The following TMEM135 variants were observed in gnomAD, a reference collection of about 807,000 sequenced individuals.
TMEM135 encodes transmembrane protein 135.
A neutral mutation model predicts 60.3 loss-of-function variants in TMEM135; 30 were observed. The observed-to-expected ratio is 0.50, with a 90% CI of 0.37 to 0.68. The LOEUF (loss-of-function observed/expected upper bound fraction) is 0.68. Among genes scored for constraint, TMEM135 ranks in the 30% least tolerant of loss-of-function variants. The pLI is 0.00. For missense variants in TMEM135, 468 were observed against 548.8 expected, an observed-to-expected ratio of 0.85 and a Z score of 1.47; for synonymous variants, 190 against 186.7, an observed-to-expected ratio of 1.02 and a Z score of -0.14.
rs747504157 is a variant in TMEM135 at position 87,305,902 on chromosome 11, A to T, written c.699-34A>T. On this transcript the variant is annotated intron_variant, in intron 8 of 14. Transcript: ENST00000305494. The stretch of plus-strand genomic sequence containing the variant: ...ACACATGGATATACACACTTTAATT[A>T]TAATTAGTTTAATTTTTTTGGGTTC... The T allele has an allele frequency of 2.2e-5, 34 of 1,557,090 alleles. No individual in the cohort carries two copies. In the African/African-American group the frequency reaches 4.1e-4, roughly 19 times the overall value.
chr11:87,163,109 C>A (rs1286535233), intron 5 of TMEM135, among the ~76,000 whole-genome samples: 1 of 149,916 alleles, frequency 6.7e-6, no homozygotes, highest in African/African-American at 2.5e-5. Context: ...CATATGTATA[C>A]ATGTGCCATG....
intron 6 of TMEM135, among the ~76,000 whole-genome samples, chr11:87,287,362 T>G (rs1297473234): frequency 2.0e-5 from 3 of 152,240 alleles, no homozygotes; most frequent in Non-Finnish European, 4.4e-5. Context: ...GACTCTGAAG[T>G]GCCCCAATTG....
chr11:87,188,821 C>T (rs943391853), intron 5 of TMEM135, among the ~76,000 whole-genome samples: 1 of 151,798 alleles, frequency 6.6e-6, no homozygotes, highest in African/African-American at 2.4e-5. Context: ...CTTTTCTATT[C>T]TTGCCTTCTG....
chr11:87,283,613 A>G (rs568130232), intron 6 of TMEM135, among the ~76,000 whole-genome samples: 1 of 152,314 alleles, frequency 6.6e-6, no homozygotes, highest in East Asian at 1.9e-4. Flanking sequence ...TAATGCCAGC[A>G]CTTTGGGAGG....
chr11:87,105,365 A>G (rs1426401512), intron 4 of TMEM135, among the ~76,000 whole-genome samples: 3 of 152,142 alleles, frequency 2.0e-5, no homozygotes, highest in African/African-American at 7.2e-5. Context: ...CGAACTGCAC[A>G]TGTGAGGGAT....
intron 6 of TMEM135, among the ~76,000 whole-genome samples, chr11:87,272,128 A>C (rs529151938): frequency 7.1e-6 from 1 of 140,968 alleles, no homozygotes; most frequent in African/African-American, 2.7e-5. Flanking sequence ...ATATCTGCTC[A>C]CTGCAACCTC....
intron 4 of TMEM135, among the ~76,000 whole-genome samples, chr11:87,122,437 A>ATTTATT (rs765586434): frequency 1.0e-4 from 15 of 144,946 alleles, no homozygotes; most frequent in Admixed American, 2.8e-4. Flanking sequence ...TTTAGTTTTT[A>ATTTATT]TATTTATTTA....
chr11:87,059,641 G>T (rs1949927162), intron 1 of TMEM135, among the ~76,000 whole-genome samples: 1 of 152,160 alleles, frequency 6.6e-6, no homozygotes, highest in South Asian at 2.1e-4. Flanking sequence ...GATTACCAGA[G>T]AGGAAATCTC....
chr11:87,308,628 C>T (rs969549499), intron 9 of TMEM135, among the ~76,000 whole-genome samples: 7 of 151,936 alleles, frequency 4.6e-5, no homozygotes, highest in African/African-American at 1.7e-4. Context: ...GATGGGACAC[C>T]GGTTTTAACA....
intron 3 of TMEM135, 31 bp downstream of exon 3, chr11:87,071,646 T>G: frequency 6.4e-7 from 1 of 1,559,872 alleles, no homozygotes; most frequent in East Asian, 2.3e-5. Context: ...TTAACGGAAC[T>G]GATTACCTGT....
At chr11:87,253,014 A>G (rs1941451101) in intron 6 of TMEM135, among the ~76,000 whole-genome samples, 2 of 151,644 alleles carry the variant, frequency 1.3e-5, no homozygotes, top group African/African-American at 4.9e-5. Flanking sequence ...AATGGAAAAC[A>G]TGAGAAAACA....
intron 4 of TMEM135, among the ~76,000 whole-genome samples, chr11:87,124,282 G>T (rs989687335): frequency 2.0e-5 from 3 of 152,136 alleles, no homozygotes; most frequent in Non-Finnish European, 4.4e-5. Flanking sequence ...TGGAACTAGG[G>T]CATCTACGGG....
chr11:87,055,327 A>T (rs147428376), intron 1 of TMEM135, among the ~76,000 whole-genome samples: 17 of 152,354 alleles, frequency 1.1e-4, no homozygotes, highest in African/African-American at 2.6e-4. Flanking sequence ...CACAAATCCA[A>T]TACCCTGGTC....
chr11:87,060,197 G>A (rs1949933275), intron 1 of TMEM135, among the ~76,000 whole-genome samples: 2 of 152,212 alleles, frequency 1.3e-5, no homozygotes, highest in South Asian at 2.1e-4. Flanking sequence ...TTGTTGTCCA[G>A]TCTCTGCTAT....
At position 87,071,568 on chromosome 11, in the gene TMEM135, C is replaced by T. The variant is rs764290159; in HGVS notation, c.315C>T (p.Ala105=). The change falls in exon 3 of 15, where the codon GCC becomes GCT. Residue 105 remains alanine (A), a synonymous_variant. Transcript: ENST00000305494. ...ACTCATGGACTCCTGGCTTTGGTGCCGCTCTGCCAGCATCTTATGTGGCCA... is the reference window on the plus strand; with the variant it reads ...ACTCATGGACTCCTGGCTTTGGTGCTGCTCTGCCAGCATCTTATGTGGCCA... The part of the protein sequence containing the change: ...KFYSWTPGFG[A]ALPASYVAIL... 1.8e-5 allele frequency: 29 copies of T among 1,613,678 alleles called. No homozygotes were observed. Among genetic ancestry groups the T allele is most frequent in the South Asian group, 4.4e-5 (4 of 91,044 alleles).
In TMEM135 at chr11:87,222,011, G is replaced by A. The variant is rs375203933; in HGVS notation, c.463-14627G>A. 3.4e-4 allele frequency among the ~76,000 whole-genome samples: 52 copies of A among 151,424 alleles called. No individual in the cohort carries two copies. The South Asian group carries it at 8.8e-3, about 26-fold the overall frequency. On this transcript the variant is annotated intron_variant, in intron 5 of 14. Coordinates refer to ENST00000305494, the MANE Select transcript of TMEM135 (RefSeq NM_022918.4). ...AGGAGATCGAGACCATCGAAACCCC[G>A]TCTCTACTAAAAATACAAAAAAATT... is the stretch of plus-strand genomic sequence containing the variant.
At chr11:87,171,007 A>G (rs2135288705) in intron 5 of TMEM135, among the ~76,000 whole-genome samples, 1 of 152,240 alleles carries the variant, frequency 6.6e-6, no homozygotes, top group East Asian at 1.9e-4. Flanking sequence ...AAGGGGGTAC[A>G]TCTTCAAACT....
rs1280222671 is a variant in TMEM135, at chr11:87,051,037, G to A, written c.141+12851G>A. ...TACACAAATCAATAAATGTATTCCA[G>A]CATATAAACAGAGCCAAAGACAAAA... On this transcript the variant is annotated intron_variant, in intron 1 of 14. Transcript: ENST00000305494. Among the ~76,000 whole-genome samples, 18 of 96,130 alleles carry A rather than the reference G, an allele frequency of 1.9e-4. 3 individuals carry two copies. Among genetic ancestry groups the A allele is most frequent in the Non-Finnish European group, 3.0e-4 (16 of 53,032 alleles). The allele number at this position is 96,130 out of a possible 152,430, so 63.1% of individuals were successfully genotyped here.
rs142586466 is a variant in TMEM135 at position 87,318,796 on chromosome 11, A to G, written c.1177-514A>G. 1.6e-4 allele frequency among the ~76,000 whole-genome samples: 25 copies of G among 152,242 alleles called. 1 individual carries two copies. In the East Asian group the frequency reaches 4.8e-3, roughly 29 times the overall value. On this transcript the variant is annotated intron_variant, in intron 13 of 14. Transcript: ENST00000305494. Reference sequence around the variant, plus strand: ...CTTGAAAAACTCATTAAAACTAATGAAGTATCAATATCTCAGTAAATGCTT... The same window carrying G: ...CTTGAAAAACTCATTAAAACTAATGGAGTATCAATATCTCAGTAAATGCTT...
Sources: gnomAD v4.1 joint callset for allele counts (sites outside exome capture counted in the v4.1 genomes callset) on GRCh38, gnomAD v4.1.1 for gene constraint, MANE v1.5 for transcripts, NCBI Gene and HGNC (gene_info 2026-07-23, HGNC 2026-07-21) for gene names.